GLIS3: variants seen among roughly 807,000 people sequenced by gnomAD.
GLIS3 encodes zinc finger protein GLIS3.
GLIS3 carries 53 observed loss-of-function variants against 78.6 expected under a neutral mutation model. That is an observed-to-expected ratio of 0.67 (90% CI 0.54 to 0.85). GLIS3 has a LOEUF of 0.85. GLIS3 is among the 40% of genes least tolerant of loss of function. GLIS3 has a pLI of 0.00. For synonymous variants in GLIS3, 684 were observed against 509.9 expected (o/e 1.34, Z -4.60); for missense variants, 1,703 against 1,231.1 (o/e 1.38, Z -5.74).
intron 2 of GLIS3, among the ~76,000 whole-genome samples, chr9:4,178,375 G>T (rs1816988161): frequency 2.0e-5 from 3 of 152,174 alleles, no homozygotes; most frequent in Admixed American, 2.0e-4. Flanking sequence ...TATGACCTAT[G>T]ATCACTTATG....
intron 2 of GLIS3, among the ~76,000 whole-genome samples, chr9:4,264,629 G>T (rs939935819): frequency 3.9e-5 from 6 of 151,970 alleles, no homozygotes; most frequent in African/African-American, 9.7e-5. Context: ...TAGGTCTGCA[G>T]ATGCCACACT....
At chr9:4,416,098 G>A in the GLIS3 span, among the ~76,000 whole-genome samples, 29 of 151,314 alleles carry the variant, frequency 1.9e-4, no homozygotes, top group Admixed American at 4.6e-4. Context: ...CTAAAACCAT[G>A]CAAAGTGGCC....
chr9:4,465,564 A>T, the GLIS3 span, among the ~76,000 whole-genome samples: 1 of 152,222 alleles, frequency 6.6e-6, no homozygotes, highest in South Asian at 2.1e-4. Context: ...AATATAAAAA[A>T]GAAAAGATAA....
intron 2 of GLIS3, among the ~76,000 whole-genome samples, chr9:4,262,696 G>A (rs139931330): frequency 6.6e-6 from 1 of 152,022 alleles, no homozygotes; most frequent in African/African-American, 2.4e-5. Flanking sequence ...GTGCTGCTGG[G>A]CACTATGCAG....
At chr9:4,101,898 T>C (rs1238015175) in intron 4 of GLIS3, among the ~76,000 whole-genome samples, 1 of 152,196 alleles carries the variant, frequency 6.6e-6, no homozygotes, top group Non-Finnish European at 1.5e-5. Flanking sequence ...AGGTTTCACT[T>C]CCAGAACAAA....
intron 4 of GLIS3, among the ~76,000 whole-genome samples, chr9:4,042,703 A>C (rs1824923190): frequency 6.6e-6 from 1 of 152,174 alleles, no homozygotes; most frequent in African/African-American, 2.4e-5. Flanking sequence ...ACTATAACAA[A>C]ACAAAACTCC....
chr9:4,051,617 T>C (rs1042999897), intron 4 of GLIS3, among the ~76,000 whole-genome samples: 2 of 152,190 alleles, frequency 1.3e-5, no homozygotes, highest in African/African-American at 4.8e-5. Flanking sequence ...CTTGAGAAAC[T>C]AAATGCATAT....
chr9:4,486,708 G>C, the GLIS3 span, among the ~76,000 whole-genome samples: 1 of 152,124 alleles, frequency 6.6e-6, no homozygotes, highest in Non-Finnish European at 1.5e-5. Flanking sequence ...AAGTGCAATG[G>C]GTGATGTAAG....
chr9:4,279,324 T>TATATACAC (rs1234969923), intron 2 of GLIS3, among the ~76,000 whole-genome samples: 2 of 84,926 alleles, frequency 2.4e-5, no homozygotes, highest in East Asian at 3.2e-4. Context: ...AATATATATA[T>TATATACAC]ACACACACAC....
At chr9:4,145,651 G>A (rs1834167068) in intron 2 of GLIS3, among the ~76,000 whole-genome samples, 1 of 151,872 alleles carries the variant, frequency 6.6e-6, no homozygotes, top group Non-Finnish European at 1.5e-5. Context: ...TCACATCAGT[G>A]CCCTCTGTCA....
chr9:4,237,703 T>C (rs1207536308), intron 2 of GLIS3, among the ~76,000 whole-genome samples: 1 of 152,216 alleles, frequency 6.6e-6, no homozygotes, highest in African/African-American at 2.4e-5. Context: ...CTCTCATTAA[T>C]CAGGCATGCC....
At chr9:4,019,859 C>T (rs1588465721) in intron 4 of GLIS3, among the ~76,000 whole-genome samples, 3 of 152,132 alleles carry the variant, frequency 2.0e-5, no homozygotes, top group Admixed American at 6.6e-5. Context: ...CAGGCCACCA[C>T]GAGTCCCCCA....
the GLIS3 span, chr9:4,386,608 G>T: frequency 7.9e-4 from 120 of 152,316 alleles, no homozygotes; most frequent in African/African-American, 2.9e-3. Flanking sequence ...TGTGGGAGCA[G>T]GCCTGAGCTT....
intron 4 of GLIS3, among the ~76,000 whole-genome samples, chr9:4,046,534 G>C (rs1825264537): frequency 6.6e-6 from 1 of 152,144 alleles, no homozygotes; most frequent in African/African-American, 2.4e-5. Context: ...CTGAACATGG[G>C]TCAAAGGTGG....
At chr9:4,018,757 TC>T (rs1479969265) in intron 4 of GLIS3, among the ~76,000 whole-genome samples, 2 of 152,118 alleles carry the variant, frequency 1.3e-5, no homozygotes, top group African/African-American at 2.4e-5. Context: ...AAAGAAAGTT[TC>T]CCCAGTGATT....
chr9:3,909,253 C>A (rs1461920811), intron 6 of GLIS3, among the ~76,000 whole-genome samples: 2 of 152,172 alleles, frequency 1.3e-5, no homozygotes, highest in Non-Finnish European at 2.9e-5. Context: ...AAAATAATTA[C>A]AATGAATTAA....
the GLIS3 span, among the ~76,000 whole-genome samples, chr9:4,411,814 T>C: frequency 6.6e-6 from 1 of 152,168 alleles, no homozygotes; most frequent in Non-Finnish European, 1.5e-5. Context: ...GCAATCCTCT[T>C]CTCCTACAAG....
chr9:3,830,059 C>T (rs1368714288), intron 9 of GLIS3, among the ~76,000 whole-genome samples: 1 of 151,912 alleles, frequency 6.6e-6, no homozygotes, highest in Non-Finnish European at 1.5e-5. Context: ...TTGATCTTTG[C>T]AGTAAATGGA....
At chr9:3,945,995 A>G (rs1156767860) in intron 4 of GLIS3, among the ~76,000 whole-genome samples, 1 of 152,090 alleles carries the variant, frequency 6.6e-6, no homozygotes, top group Non-Finnish European at 1.5e-5. Context: ...TTCCCTAATT[A>G]AGCAGCACGT....
Sources: gnomAD v4.1 joint callset for allele counts (sites outside exome capture counted in the v4.1 genomes callset) on GRCh38, gnomAD v4.1.1 for gene constraint, MANE v1.5 for transcripts, NCBI Gene and HGNC (gene_info 2026-07-23, HGNC 2026-07-21) for gene names.